The following PDE7A variants were observed in gnomAD, a reference collection of about 807,000 sequenced individuals.
The protein encoded by PDE7A is high affinity 3',5'-cyclic-AMP phosphodiesterase 7A.
Under a neutral mutation model 64.3 loss-of-function variants are expected in PDE7A, and 39 were observed. That is an observed-to-expected ratio of 0.61 (90% CI 0.47 to 0.79). The LOEUF is 0.79. Ranked by LOEUF, PDE7A falls within the 30% of genes least tolerant of loss-of-function variation. The pLI is 0.00. For missense variants in PDE7A, 470 were observed against 582.8 expected, an observed-to-expected ratio of 0.81 and a Z score of 1.99; for synonymous variants, 203 against 206.8, an observed-to-expected ratio of 0.98 and a Z score of 0.16.
intron 4 of PDE7A, among the ~76,000 whole-genome samples, chr8:65,747,410 C>T (rs184139379): frequency 4.1e-4 from 63 of 152,152 alleles, no homozygotes; most frequent in African/African-American, 1.4e-3. Context: ...CTCCTTGTTA[C>T]GTAATGTTAT....
chr8:65,803,871 G>C (rs1291321419), intron 1 of PDE7A, among the ~76,000 whole-genome samples: 1 of 152,136 alleles, frequency 6.6e-6, no homozygotes, highest in Non-Finnish European at 1.5e-5. Context: ...GGGAACCATA[G>C]GACAGAGGAT....
At chr8:65,742,310 G>A (rs1807476735) in intron 5 of PDE7A, among the ~76,000 whole-genome samples, 1 of 152,196 alleles carries the variant, frequency 6.6e-6, no homozygotes, top group Admixed American at 6.5e-5. Context: ...AGGCCTGGCA[G>A]CTAGTGTCCT....
intron 1 of PDE7A, among the ~76,000 whole-genome samples, chr8:65,828,238 A>G (rs1810727719): frequency 6.6e-6 from 1 of 152,190 alleles, no homozygotes. Flanking sequence ...ATTATACTGA[A>G]TAACCTTCCA....
chr8:65,720,374 T>C (rs993638302), intron 12 of PDE7A: 6 of 154,178 alleles, frequency 3.9e-5, no homozygotes, highest in Non-Finnish European at 8.8e-5. Flanking sequence ...TCTGATTCTA[T>C]CACGCTTTAA....
intron 5 of PDE7A, among the ~76,000 whole-genome samples, chr8:65,742,185 C>T (rs563862206): frequency 6.6e-6 from 1 of 152,302 alleles, no homozygotes; most frequent in East Asian, 1.9e-4. Context: ...AAAAGCTACC[C>T]ACATAAAAAT....
At chr8:65,831,017 T>TC (rs1810805507) in intron 1 of PDE7A, among the ~76,000 whole-genome samples, 1 of 152,014 alleles carries the variant, frequency 6.6e-6, no homozygotes, top group Admixed American at 6.5e-5. Flanking sequence ...CTGTTAAAAA[T>TC]CCCCTCATAT....
intron 6 of PDE7A, among the ~76,000 whole-genome samples, chr8:65,735,821 C>T (rs1039571414): frequency 6.6e-6 from 1 of 151,890 alleles, no homozygotes; most frequent in Admixed American, 6.6e-5. Context: ...AATGGGGTTT[C>T]ACCATGTTGG....
chr8:65,734,141 T>C (rs1255022220), intron 7 of PDE7A, among the ~76,000 whole-genome samples: 1 of 152,196 alleles, frequency 6.6e-6, no homozygotes, highest in Non-Finnish European at 1.5e-5. Context: ...GCTCACTGTC[T>C]CTACAAGCCT....
chr8:65,806,527 A>C (rs538222621), intron 1 of PDE7A, among the ~76,000 whole-genome samples: 1 of 152,404 alleles, frequency 6.6e-6, no homozygotes, highest in African/African-American at 2.4e-5. Context: ...TTCTTTAAAA[A>C]TGCACATATT....
At chr8:65,795,347 C>A (rs1809811059) in intron 1 of PDE7A, among the ~76,000 whole-genome samples, 1 of 152,182 alleles carries the variant, frequency 6.6e-6, no homozygotes, top group African/African-American at 2.4e-5. Context: ...ACAGAGACTG[C>A]AGCTCAGGGA....
rs1806649501 is a variant in PDE7A, at chr8:65,727,258, A to G, written c.740T>C (p.Ile247Thr). The G allele has an allele frequency of 1.2e-6, 2 of 1,613,860 alleles. No individual in the cohort carries two copies. Among genetic ancestry groups the G allele is most frequent in the Non-Finnish European group, 1.7e-6 (2 of 1,179,772 alleles). ...VTPWDILLSL[I>T]AAATHDLDHP... ...ATCCAGATCATGAGTGGCAGCTGCA[A>G]TTAAGCTCAGCAAGATATCCCAAGG... The change falls in exon 8 of 13, where the codon ATT (isoleucine) becomes ACT (threonine). Residue 247 changes from isoleucine (I) to threonine (T), a missense_variant. Coordinates refer to ENST00000401827, the MANE Select transcript of PDE7A (RefSeq NM_001242318.3).
chr8:65,813,166 T>C (rs1255357024), intron 1 of PDE7A, among the ~76,000 whole-genome samples: 1 of 152,230 alleles, frequency 6.6e-6, no homozygotes, highest in African/African-American at 2.4e-5. Context: ...TAAGTTAGCA[T>C]AACCCTTTCA....
intron 2 of PDE7A, among the ~76,000 whole-genome samples, chr8:65,781,566 T>A (rs1809420830): frequency 6.6e-6 from 1 of 152,102 alleles, no homozygotes. Flanking sequence ...TATTTAAAGG[T>A]ATCAACCAGT....
chr8:65,829,294 C>G (rs145053719), intron 1 of PDE7A, among the ~76,000 whole-genome samples: 1 of 152,214 alleles, frequency 6.6e-6, no homozygotes, highest in East Asian at 1.9e-4. Context: ...AATCACATTT[C>G]AACAAATCAA....
intron 3 of PDE7A, among the ~76,000 whole-genome samples, chr8:65,778,259 T>G (rs1370965995): frequency 1.3e-5 from 2 of 152,208 alleles, no homozygotes; most frequent in African/African-American, 2.4e-5. Flanking sequence ...TTTCTTGAAA[T>G]GCTTGCTCTG....
intron 3 of PDE7A, among the ~76,000 whole-genome samples, chr8:65,764,611 T>C (rs186844474): frequency 6.6e-6 from 1 of 152,298 alleles, no homozygotes; most frequent in Admixed American, 6.5e-5. Context: ...AGCTTCCAAA[T>C]ATAACAGAAT....
chr8:65,723,501 G>A (rs755311591), intron 12 of PDE7A, 40 bp downstream of exon 12: 3 of 1,397,316 alleles, frequency 2.1e-6, no homozygotes, highest in South Asian at 3.9e-5. Flanking sequence ...AAAAACAGTG[G>A]CATTTTTCTA....
At chr8:65,759,898 C>T (rs753841367) in intron 3 of PDE7A, among the ~76,000 whole-genome samples, 12 of 152,028 alleles carry the variant, frequency 7.9e-5, no homozygotes, top group Non-Finnish European at 1.3e-4. Flanking sequence ...TGTATATATA[C>T]GTATAATTTT....
intron 1 of PDE7A, among the ~76,000 whole-genome samples, chr8:65,783,368 C>G (rs910114128): frequency 5.3e-5 from 8 of 152,180 alleles, no homozygotes; most frequent in African/African-American, 1.9e-4. Context: ...GACCTGCCTG[C>G]CCTCTTGTAC....
Sources: allele counts gnomAD v4.1 joint callset (sites outside exome capture counted in the v4.1 genomes callset), GRCh38; gene constraint gnomAD v4.1.1; transcripts MANE v1.5; gene names NCBI Gene and HGNC (gene_info 2026-07-23, HGNC 2026-07-21).